Variants in PIK3CD observed in about 807,000 individuals in gnomAD.
PIK3CD encodes the protein phosphatidylinositol 4,5-bisphosphate 3-kinase catalytic subunit delta isoform.
A neutral mutation model predicts 122.9 loss-of-function variants in PIK3CD; 20 were observed. The observed-to-expected ratio is 0.16, with a 90% CI of 0.11 to 0.24. The LOEUF (loss-of-function observed/expected upper bound fraction) is 0.24, where lower values mean the gene tolerates loss of function less well. PIK3CD is among the 10% of genes least tolerant of loss of function. The pLI is 1.00. For missense variants in PIK3CD, 787 were observed against 1,406.3 expected, an observed-to-expected ratio of 0.56 and a Z score of 7.04; for synonymous variants, 596 against 593.4, an observed-to-expected ratio of 1.00 and a Z score of -0.06.
intron 1 of PIK3CD, chr1:9,660,722 T>C (rs1230745379): frequency 2.6e-5 from 4 of 152,164 alleles, no homozygotes; most frequent in Non-Finnish European, 4.4e-5. Flanking sequence ...TTCATGCCTT[T>C]GTCTCCCCAC....
intron 1 of PIK3CD, among the ~76,000 whole-genome samples, chr1:9,676,000 C>T (rs1281231956): frequency 4.0e-5 from 6 of 149,084 alleles, no homozygotes; most frequent in East Asian, 4.0e-4. Context: ...GGCACAGTCT[C>T]GGCCCACTGC....
intron 1 of PIK3CD, among the ~76,000 whole-genome samples, chr1:9,684,495 C>A (rs1645887158): frequency 6.6e-6 from 1 of 150,858 alleles, no homozygotes; most frequent in Non-Finnish European, 1.5e-5. Flanking sequence ...TGAGATGGTG[C>A]CACTGTACTC....
chr1:9,721,864 A>G lies in PIK3CD; in HGVS notation c.2055+4A>G, dbSNP rs761254166. 4.3e-6 allele frequency: 7 copies of G among 1,612,956 alleles called. No individual in the cohort carries two copies. In the Admixed American group the frequency reaches 8.3e-5, roughly 19 times the overall value. On this transcript the variant is annotated splice_donor_region_variant and intron_variant, in intron 16 of 23. Transcript: ENST00000377346. ...CATGAAGGTGCTGATGAAGCAGGTG[A>G]GGCCCAAGGCCCTGGGGGGCGGGCA... is the stretch of plus-strand genomic sequence containing the variant.
chr1:9,699,886 C>T (rs995254772), intron 2 of PIK3CD, among the ~76,000 whole-genome samples: 5 of 152,208 alleles, frequency 3.3e-5, no homozygotes, highest in Non-Finnish European at 5.9e-5. Flanking sequence ...AGCCACCGCC[C>T]CCGGCCCAGG....
intron 1 of PIK3CD, among the ~76,000 whole-genome samples, chr1:9,668,839 G>A (rs74054313): frequency 0.061 from 9,257 of 152,136 alleles, 363 homozygotes; most frequent in South Asian, 0.14. Context: ...TGAGCAAGCC[G>A]GTGAACCTCT....
rs371514586 is a variant in PIK3CD, at chr1:9,722,169, G to C, written c.2234+16G>C. 1.9e-6 allele frequency: 3 copies of C among 1,612,142 alleles called. No individual in the cohort carries two copies. The highest frequency in any genetic ancestry group is 2.5e-6 in the Non-Finnish European group (3 of 1,179,484). Reference sequence around the variant, plus strand: ...CTGAAGTCTGGTGAGCCCAAGCCCCGCCACAAGGGTTCCTCCCACCCCTGG... The same window carrying C: ...CTGAAGTCTGGTGAGCCCAAGCCCCCCCACAAGGGTTCCTCCCACCCCTGG... On this transcript the variant is annotated intron_variant, in intron 17 of 23. Transcript: ENST00000377346. This position sits in a 1 kb window ranked among gnomAD's most constrained non-coding sequence, Gnocchi z 7.6.
chr1:9,641,978 C>G, the PIK3CD span, among the ~76,000 whole-genome samples: 1 of 152,192 alleles, frequency 6.6e-6, no homozygotes, highest in East Asian at 1.9e-4. Flanking sequence ...GTAAGAAATG[C>G]ATCTGACATC....
rs1273784417 is a variant in PIK3CD at position 9,719,305 on chromosome 1, A to T, written c.1242+390A>T. On this transcript the variant is annotated intron_variant, in intron 9 of 23. Transcript: ENST00000377346. The surrounding 1 kb of genome is among the most constrained non-coding windows in gnomAD (Gnocchi z 5.5). The stretch of plus-strand genomic sequence containing the variant: ...CAGGATATGGCTCCCCTCGGAGCTG[A>T]CTCACTCCGAGCTGAGCTGGGCTGG... 2.0e-5 allele frequency among the ~76,000 whole-genome samples: 3 copies of T among 151,976 alleles called. No homozygotes were observed. Among genetic ancestry groups the T allele is most frequent in the Non-Finnish European group, 4.4e-5 (3 of 67,972 alleles).
chr1:9,693,883 A>G (rs936890550), intron 2 of PIK3CD, among the ~76,000 whole-genome samples: 25 of 152,208 alleles, frequency 1.6e-4, no homozygotes, highest in African/African-American at 6.0e-4. Flanking sequence ...TGGTGTGTGC[A>G]GGGTGGGCTG....
chr1:9,649,306 C>T (rs1373644384), upstream of PIK3CD, among the ~76,000 whole-genome samples: 6 of 151,982 alleles, frequency 3.9e-5, no homozygotes, highest in African/African-American at 1.4e-4. Context: ...TTATGGCTCA[C>T]TGCAGTCTCA....
the PIK3CD span, among the ~76,000 whole-genome samples, chr1:9,632,062 GAGTGCAATGGTGCGATCTCAGCTC>G: frequency 6.7e-6 from 1 of 149,610 alleles, no homozygotes; most frequent in Non-Finnish European, 1.5e-5. Flanking sequence ...GCCCAGGCTA[GAGTGCAATGGTGCGATCTCAGCTC>G]ACTGCAACCT....
rs1646989553 is a variant in PIK3CD at position 9,710,096 on chromosome 1, C to T, written c.-32-328C>T. The T allele has an allele frequency of 5.6e-6, 2 of 359,470 alleles. No individual in the cohort carries two copies. Among genetic ancestry groups the T allele is most frequent in the Non-Finnish European group, 1.1e-5 (2 of 184,426 alleles). 22.3% of individuals were successfully genotyped at this position (359,470 alleles called of 1,614,324 possible). A position where few individuals can be genotyped will look rare whatever the true frequency, so the allele number is the denominator to read the frequency against. On this transcript the variant is annotated intron_variant, in intron 2 of 23. Coordinates refer to ENST00000377346, the MANE Select transcript of PIK3CD (RefSeq NM_005026.5). This position sits in a 1 kb window ranked among gnomAD's most constrained non-coding sequence, Gnocchi z 4.7. ...GACCAGCTGTCCTGCCATCTCCCTT[C>T]TGTGCCAGCTGGTGGCCATGACTGG...
At chr1:9,688,784 C>T (rs1392528906) in intron 1 of PIK3CD, among the ~76,000 whole-genome samples, 2 of 151,990 alleles carry the variant, frequency 1.3e-5, no homozygotes, top group Non-Finnish European at 2.9e-5. Flanking sequence ...GCTATGATCG[C>T]ACCACTGCAC....
chr1:9,653,357 G>A lies in PIK3CD; in HGVS notation c.-138+1555G>A, dbSNP rs545249636. The A allele has an allele frequency of 3.8e-5, 7 of 186,614 alleles. No individual in the cohort carries two copies. In the South Asian group the frequency reaches 6.5e-4, roughly 17 times the overall value. 11.6% of individuals were successfully genotyped at this position (186,614 alleles called of 1,614,324 possible). A position where few individuals can be genotyped will look rare whatever the true frequency, so the allele number is the denominator to read the frequency against. ...ACAACTGTAGGAGCTGAGTGGTGTTGTCTTCATTTTACAGTTAAGGAAACG... is the reference window on the plus strand; with the variant it reads ...ACAACTGTAGGAGCTGAGTGGTGTTATCTTCATTTTACAGTTAAGGAAACG... On this transcript the variant is annotated intron_variant, in intron 1 of 23. Coordinates refer to ENST00000377346, the MANE Select transcript of PIK3CD (RefSeq NM_005026.5).
intron 1 of PIK3CD, among the ~76,000 whole-genome samples, chr1:9,681,907 G>A (rs964348281): frequency 3.3e-5 from 5 of 152,258 alleles, no homozygotes; most frequent in African/African-American, 9.6e-5. Context: ...ACTTAGCTTT[G>A]GAGAATGAGC....
chr1:9,725,931 T>C (rs1649486828), intron 23 of PIK3CD, among the ~76,000 whole-genome samples: 2 of 151,706 alleles, frequency 1.3e-5, no homozygotes, highest in Admixed American at 6.6e-5. Flanking sequence ...TTTTCCAGGC[T>C]GGGCATGGTG....
chr1:9,646,698 G>A, the PIK3CD span, among the ~76,000 whole-genome samples: 3 of 152,216 alleles, frequency 2.0e-5, no homozygotes, highest in South Asian at 4.1e-4. Context: ...CACGCCTGTG[G>A]TCCCAGCACT....
At chr1:9,653,363 A>C in intron 1 of PIK3CD, 1 of 187,466 alleles carries the variant, frequency 5.3e-6, no homozygotes, top group Non-Finnish European at 1.1e-5. Flanking sequence ...TGTTGTCTTC[A>C]TTTTACAGTT....
At chr1:9,726,848 A>T in intron 23 of PIK3CD, 61 bp from the exon 24 acceptor site, 1 of 1,607,222 alleles carries the variant, frequency 6.2e-7, no homozygotes, top group African/African-American at 1.3e-5. Flanking sequence ...CCAGAGAGGG[A>T]CGCATCCCAG....
Sources: gnomAD v4.1 joint callset for allele counts (sites outside exome capture counted in the v4.1 genomes callset) on GRCh38, gnomAD v4.1.1 for gene constraint, Gnocchi (gnomAD v3.1) non-coding constraint, MANE v1.5 for transcripts, NCBI Gene and HGNC (gene_info 2026-07-23, HGNC 2026-07-21) for gene names.